The following NBEA variants were observed in gnomAD, a reference collection of about 807,000 sequenced individuals.
The protein encoded by NBEA is lysosomal-trafficking regulator 2.
NBEA carries 44 observed loss-of-function variants against 343.4 expected under a neutral mutation model. That is an observed-to-expected ratio of 0.13 (90% CI 0.10 to 0.16). NBEA has a LOEUF of 0.16. Among genes scored for constraint, NBEA ranks in the 10% least tolerant of loss-of-function variants. NBEA has a pLI of 1.00. For synonymous variants in NBEA, 1,175 were observed against 1,238.7 expected (o/e 0.95, Z 1.08); for missense variants, 2,555 against 3,631.3 (o/e 0.70, Z 7.62).
chr13:35,244,282 TA>T (rs1365072638), intron 34 of NBEA, among the ~76,000 whole-genome samples: 3 of 151,774 alleles, frequency 2.0e-5, no homozygotes, highest in East Asian at 1.9e-4. Flanking sequence ...AAAAAATCAA[TA>T]TTTTTTTATA....
In NBEA at chr13:35,269,490, A is replaced by T. The variant is rs188001843; in HGVS notation, c.5777-20899A>T. Among the ~76,000 whole-genome samples, 420 of 152,298 alleles carry T rather than the reference A, an allele frequency of 2.8e-3. 5 individuals are homozygous for T. Among genetic ancestry groups the T allele is most frequent in the African/African-American group, 9.8e-3 (408 of 41,584 alleles). Reference sequence around the variant, plus strand: ...TGCATATTCCCTCTTACTACATGGAAGTGGTCAATATTATAGAGAAGTCAA... The same window carrying T: ...TGCATATTCCCTCTTACTACATGGATGTGGTCAATATTATAGAGAAGTCAA... On this transcript the variant is annotated intron_variant, in intron 34 of 58. Transcript: ENST00000379939.
intron 48 of NBEA, among the ~76,000 whole-genome samples, chr13:35,610,040 A>G (rs1418330131): frequency 6.6e-6 from 1 of 152,246 alleles, no homozygotes; most frequent in East Asian, 1.9e-4. Flanking sequence ...ATGCCTCCAG[A>G]TTCGTCCACT....
Position 35,195,974 on chromosome 13 carries a change from G to A in NBEA, c.5038G>A (p.Glu1680Lys). 1 of 1,613,594 alleles carries A rather than the reference G, an allele frequency of 6.2e-7. No homozygotes were observed. The highest frequency in any genetic ancestry group is 8.5e-7 in the Non-Finnish European group (1 of 1,179,704). ...IPHTDSGIGE[E>K]QVASILNGAE... is the part of the protein sequence containing the mutation. ...CCATACAGATTCAGGAATTGGAGAG[G>A]AGCAAGTGGCTAGCATCCTGAATGG... is the stretch of plus-strand genomic sequence containing the variant. Residue 1680 changes from glutamate (E) to lysine (K), a missense_variant, in exon 31 of 59, where the codon GAG becomes AAG. Physicochemically the swap from Glu to Lys is moderately conservative, Grantham distance 56. This residue lies in a region of NBEA where 270 missense variants were observed against 293.3 expected (regional missense o/e 0.92). Transcript: ENST00000379939.
intron 17 of NBEA, among the ~76,000 whole-genome samples, chr13:35,142,003 A>G (rs1235583537): frequency 6.6e-6 from 1 of 152,200 alleles, no homozygotes; most frequent in African/African-American, 2.4e-5. Context: ...AATAATAACA[A>G]TGACATGTAT....
intron 41 of NBEA, chr13:35,475,463 C>T: frequency 6.2e-7 from 1 of 1,612,820 alleles, no homozygotes; most frequent in Non-Finnish European, 8.5e-7. Context: ...GCGTCGCTCT[C>T]CGCCGAGCTC....
chr13:35,098,527 A>T, intron 11 of NBEA, 122 bp downstream of exon 11: 2 of 589,774 alleles, frequency 3.4e-6, no homozygotes, highest in Non-Finnish European at 5.8e-6. Flanking sequence ...CTATTTGCTA[A>T]TTCACAAACG....
chr13:35,493,199 G>GAAGGAA (rs2076560976), intron 41 of NBEA, among the ~76,000 whole-genome samples: 2 of 151,892 alleles, frequency 1.3e-5, no homozygotes, highest in African/African-American at 4.8e-5. Flanking sequence ...GACAATCTGA[G>GAAGGAA]TCACCAGAGC....
chr13:35,238,555 A>T (rs2075340504), intron 34 of NBEA, among the ~76,000 whole-genome samples: 1 of 152,152 alleles, frequency 6.6e-6, no homozygotes, highest in Non-Finnish European at 1.5e-5. Flanking sequence ...ATAGTCACTT[A>T]ACTTATCAAC....
intron 38 of NBEA, among the ~76,000 whole-genome samples, chr13:35,422,092 G>GT (rs566959976): frequency 0.31 from 28,365 of 92,724 alleles, 3,260 homozygotes; most frequent in Middle Eastern, 0.54. Flanking sequence ...TTGTTTGTTT[G>GT]TTTTTTTTTT....
At chr13:35,162,383 G>A (rs2069634125) in intron 23 of NBEA, among the ~76,000 whole-genome samples, 1 of 152,124 alleles carries the variant, frequency 6.6e-6, no homozygotes, top group Non-Finnish European at 1.5e-5. Flanking sequence ...TAAGTAGCAA[G>A]GGCAACTTAA....
At chr13:35,539,730 C>A (rs1001480048) in intron 41 of NBEA, among the ~76,000 whole-genome samples, 3 of 150,952 alleles carry the variant, frequency 2.0e-5, no homozygotes, top group Admixed American at 6.6e-5. Flanking sequence ...TCCTGGCTAA[C>A]ACGGTGAAAC....
At chr13:35,529,624 C>T (rs1178465251) in intron 41 of NBEA, among the ~76,000 whole-genome samples, 1 of 152,198 alleles carries the variant, frequency 6.6e-6, no homozygotes, top group Non-Finnish European at 1.5e-5. Context: ...CATACTGTGA[C>T]ATATCTATAT....
At chr13:35,393,973 A>C (rs1482470214) in intron 38 of NBEA, among the ~76,000 whole-genome samples, 14 of 152,076 alleles carry the variant, frequency 9.2e-5, no homozygotes, top group Admixed American at 9.2e-4. Flanking sequence ...TATCCTAGAG[A>C]TCAACAGCCC....
intron 1 of NBEA, among the ~76,000 whole-genome samples, chr13:35,028,002 G>A (rs905339264): frequency 3.3e-5 from 5 of 151,782 alleles, no homozygotes; most frequent in African/African-American, 7.2e-5. Flanking sequence ...ATTTAGGGCT[G>A]TTTCTGGGTT....
intron 34 of NBEA, among the ~76,000 whole-genome samples, chr13:35,268,267 T>C (rs2152802679): frequency 6.6e-6 from 1 of 152,244 alleles, no homozygotes; most frequent in South Asian, 2.1e-4. Flanking sequence ...GCAAATGATG[T>C]GTGATTTTAT....
chr13:35,636,498 A>G (rs550172807), intron 49 of NBEA, among the ~76,000 whole-genome samples: 219 of 152,296 alleles, frequency 1.4e-3, no homozygotes, highest in Middle Eastern at 3.4e-3. Flanking sequence ...CATTCCACAT[A>G]CCAAACAAAT....
intron 38 of NBEA, among the ~76,000 whole-genome samples, chr13:35,401,922 A>G (rs2043020607): frequency 6.6e-6 from 1 of 152,020 alleles, no homozygotes. Flanking sequence ...GGAAATAATG[A>G]AATTGATTAC....
chr13:35,330,485 T>C (rs905529796), intron 36 of NBEA, among the ~76,000 whole-genome samples: 9 of 152,022 alleles, frequency 5.9e-5, no homozygotes, highest in Non-Finnish European at 1.0e-4. Context: ...AGGGAAGGGA[T>C]GGGTTTCATC....
chr13:35,003,607 T>C (rs1009479984), intron 1 of NBEA, among the ~76,000 whole-genome samples: 1 of 152,188 alleles, frequency 6.6e-6, no homozygotes, highest in Non-Finnish European at 1.5e-5. Flanking sequence ...TTCATAGATA[T>C]GGAAATAATT....
Sources: gnomAD v4.1 joint callset for allele counts (sites outside exome capture counted in the v4.1 genomes callset) on GRCh38, gnomAD v4.1.1 for gene constraint, gnomAD v4.1.1 regional missense constraint, MANE v1.5 for transcripts, NCBI Gene and HGNC (gene_info 2026-07-23, HGNC 2026-07-21) for gene names.